The following ZNF296 variants were observed in gnomAD, a reference collection of about 807,000 sequenced individuals.
ZNF296 encodes the protein zinc finger protein 296, also known as zinc finger protein 342.
Under a neutral mutation model 13.2 loss-of-function variants are expected in ZNF296, and 1 was observed. The ratio of observed to expected loss-of-function variants is 0.08; its 90% confidence interval spans 0.03 to 0.36. ZNF296 has a LOEUF of 0.36. Ranked by LOEUF, ZNF296 falls within the 10% of genes least tolerant of loss-of-function variation. The probability of loss-of-function intolerance (pLI) is 0.99; values close to 1 mark genes in which losing one functional copy is unlikely to be tolerated. For missense variants in ZNF296, 555 were observed against 688.2 expected, an observed-to-expected ratio of 0.81 and a Z score of 2.16; for synonymous variants, 303 against 289.0, an observed-to-expected ratio of 1.05 and a Z score of -0.49.
chr19:45,075,866 C>T lies in ZNF296; in HGVS notation c.299-4G>A, dbSNP rs1477112907. 1.2e-6 allele frequency: 2 copies of T among 1,613,404 alleles called. No homozygotes were observed. The highest frequency in any genetic ancestry group is 1.7e-6 in the Non-Finnish European group (2 of 1,179,830). ...TTGTCGGTCCAGGGCTGGCGGTCTGCAGGGAGGAAGCGGGTGGTGAGCGTG... is the reference window on the plus strand; with the variant it reads ...TTGTCGGTCCAGGGCTGGCGGTCTGTAGGGAGGAAGCGGGTGGTGAGCGTG... On this transcript the variant is annotated splice_region_variant and splice_polypyrimidine_tract_variant and intron_variant, in intron 1 of 2. Transcript: ENST00000303809.
rs757569287 is a variant in ZNF296, at chr19:45,076,261, G to A, written c.113C>T (p.Pro38Leu). The change falls in exon 1 of 3, where the codon CCA becomes CTA. Residue 38 changes from proline to leucine, a missense_variant. Physicochemically the swap from Pro to Leu is moderately conservative, Grantham distance 98. Coordinates refer to ENST00000303809, the MANE Select transcript of ZNF296 (RefSeq NM_145288.3). This position sits in a 1 kb window ranked among gnomAD's most constrained non-coding sequence, Gnocchi z 4.9. ...QDLVIELKPE[P>L]DAQPQQAPRL... is the part of the protein sequence containing the mutation. ...TGGGGCCTGTTGGGGCTGCGCGTCT[G>A]GCTCGGGCTTGAGTTCGATGACGAG... 1 of 1,499,818 alleles carries A rather than the reference G, an allele frequency of 6.7e-7. No homozygotes were observed. Among genetic ancestry groups the A allele is most frequent in the South Asian group, 1.3e-5 (1 of 75,774 alleles). 92.9% of individuals were successfully genotyped at this position (1,499,818 alleles called of 1,614,324 possible). A position where few individuals can be genotyped will look rare whatever the true frequency, so the allele number is the denominator to read the frequency against.
Position 45,075,589 on chromosome 19 carries a change from T to A in ZNF296, c.448+124A>T. The A allele has an allele frequency of 3.8e-6, 4 of 1,053,616 alleles. No homozygotes were observed. The South Asian group carries it at 5.8e-5, about 15-fold the overall frequency. The allele number at this position is 1,053,616 out of a possible 1,614,324, so 65.3% of individuals were successfully genotyped here. A position where few individuals can be genotyped will look rare whatever the true frequency, so the allele number is the denominator to read the frequency against. The stretch of plus-strand genomic sequence containing the variant: ...GGGCAGGCCCTGGCCACGCCTAGGC[T>A]GCACCCGATGGGGAGCGAGAAAGGG... On this transcript the variant is annotated intron_variant, in intron 2 of 2. Transcript: ENST00000303809.
chr19:45,075,768 G>T lies in ZNF296; in HGVS notation c.393C>A (p.Asp131Glu), dbSNP rs150507215. ...FPLEAITAFM[D>E]HKKLGCQLFR... ...AGAGCTGACAGCCCAGCTTCTTGTG[G>T]TCCATGAAGGCAGTGATGGCCTCCA... Residue 131 changes from aspartate (D) to glutamate (E), a missense_variant, in exon 2 of 3, where the codon GAC becomes GAA. Transcript: ENST00000303809. The T allele has an allele frequency of 1.6e-3, 2,598 of 1,614,146 alleles. 2 individuals are homozygous for T. Among genetic ancestry groups the T allele is most frequent in the Non-Finnish European group, 1.9e-3 (2,262 of 1,180,030 alleles).
rs199913976 is a variant in ZNF296, at chr19:45,075,870, G to C, written c.299-8C>G. On this transcript the variant is annotated splice_region_variant and splice_polypyrimidine_tract_variant and intron_variant, in intron 1 of 2. Transcript: ENST00000303809. ...CGGTCCAGGGCTGGCGGTCTGCAGG[G>C]AGGAAGCGGGTGGTGAGCGTGGGGT... The C allele has an allele frequency of 8.9e-5, 144 of 1,613,680 alleles. No individual in the cohort carries two copies. In the East Asian group the frequency reaches 3.1e-3, roughly 34 times the overall value.
chr19:45,076,308 G>A lies in ZNF296; in HGVS notation c.66C>T (p.Asp22=). Residue 22 remains aspartate (D), a synonymous_variant, in exon 1 of 3, where the codon GAC becomes GAT. Transcript: ENST00000303809. This position sits in a 1 kb window ranked among gnomAD's most constrained non-coding sequence, Gnocchi z 4.9. The stretch of plus-strand genomic sequence containing the variant: ...CGAGGTCCTGCATTTCCATCTCGTC[G>A]TCTGGGTTGGCGGCGGGCGCGGGCT... The part of the protein sequence containing the change: ...RVEPAPAANP[D]DEMEMQDLVI... 7.0e-7 allele frequency: 1 copy of A among 1,433,114 alleles called. No homozygotes were observed. The highest frequency in any genetic ancestry group is 9.2e-7 in the Non-Finnish European group (1 of 1,091,200). The allele number at this position is 1,433,114 out of a possible 1,614,324, so 88.8% of individuals were successfully genotyped here.
chr19:45,074,567 G>A (rs2122634695), intron 2 of ZNF296, among the ~76,000 whole-genome samples: 1 of 152,252 alleles, frequency 6.6e-6, no homozygotes, highest in Non-Finnish European at 1.5e-5. Flanking sequence ...TCTTGGATGG[G>A]ACAACCTTTG....
At chr19:45,075,068 C>T (rs938398179) in intron 2 of ZNF296, among the ~76,000 whole-genome samples, 1 of 152,232 alleles carries the variant, frequency 6.6e-6, no homozygotes, top group African/African-American at 2.4e-5. Flanking sequence ...TGACCAAAAG[C>T]TCACCGAGGG....
Position 45,076,206 on chromosome 19 carries a change from C to T in ZNF296, c.168G>A (p.Val56=), listed in dbSNP as rs770932707. ...PRLGPFSPKE[V]SSAGRFGGEP... ...CGCCGCCGAACCGCCCCGCCGAGGA[C>T]ACCTCCTTCGGGGAGAAGGGCCCCA... Residue 56 remains valine, a synonymous_variant, in exon 1 of 3, where the codon GTG becomes GTA. Coordinates refer to ENST00000303809, the MANE Select transcript of ZNF296 (RefSeq NM_145288.3). The surrounding 1 kb of genome is among the most constrained non-coding windows in gnomAD (Gnocchi z 4.9). 3 of 1,507,564 alleles carry T rather than the reference C, an allele frequency of 2.0e-6. No homozygotes were observed. The Admixed American group carries it at 7.2e-5, about 36-fold the overall frequency. The allele number at this position is 1,507,564 out of a possible 1,614,324, so 93.4% of individuals were successfully genotyped here. A position where few individuals can be genotyped will look rare whatever the true frequency, so the allele number is the denominator to read the frequency against.
intron 2 of ZNF296, 32 bp downstream of exon 2, chr19:45,075,681 T>G: frequency 1.2e-6 from 2 of 1,606,962 alleles, no homozygotes; most frequent in Non-Finnish European, 1.7e-6. Flanking sequence ...GCCCTCGAAC[T>G]TGAGAGGGGG....
At position 45,075,872 on chromosome 19, in the gene ZNF296, G is replaced by A. The variant is rs2122637690; in HGVS notation, c.299-10C>T. On this transcript the variant is annotated splice_polypyrimidine_tract_variant and intron_variant, in intron 1 of 2. Transcript: ENST00000303809. Reference sequence around the variant, plus strand: ...GTCCAGGGCTGGCGGTCTGCAGGGAGGAAGCGGGTGGTGAGCGTGGGGTGG... The same window carrying A: ...GTCCAGGGCTGGCGGTCTGCAGGGAAGAAGCGGGTGGTGAGCGTGGGGTGG... 1 of 1,613,564 alleles carries A rather than the reference G, an allele frequency of 6.2e-7. No homozygotes were observed. Among genetic ancestry groups the A allele is most frequent in the South Asian group, 1.1e-5 (1 of 91,044 alleles).
At position 45,072,086 on chromosome 19, in the gene ZNF296, TG is replaced by T; in HGVS notation, c.942del (p.Ser315AlafsTer87). ...PEPAVHAAAP[T>X]STLPCSGGEG... Reference sequence around the variant, plus strand: ...TCACCACCGCTGCATGGAAGGGTGCTGGTGGGGGCAGCAGCATGGACAGCCG... The same window carrying T: ...TCACCACCGCTGCATGGAAGGGTGCTGTGGGGGCAGCAGCATGGACAGCCG... On this transcript the variant is annotated frameshift_variant, in exon 3 of 3. Transcript: ENST00000303809. LOFTEE classifies it low-confidence loss of function (END_TRUNC). The T allele has an allele frequency of 6.2e-7, 1 of 1,612,084 alleles. No homozygotes were observed. Among genetic ancestry groups the T allele is most frequent in the Non-Finnish European group, 8.5e-7 (1 of 1,179,654 alleles).
Position 45,071,616 on chromosome 19 carries a change from C to T in ZNF296, c.1413G>A (p.Ala471=), listed in dbSNP as rs752032069. The change falls in exon 3 of 3, where the codon GCG becomes GCA. Residue 471 remains alanine, a synonymous_variant. Transcript: ENST00000303809. ...DKHLRQKHPE[A]AGEA ...TTTCCTGGGCTCAGGCCTCGCCGGC[C>T]GCCTCAGGGTGCTTCTGCCGCAGGT... 4.3e-5 allele frequency: 65 copies of T among 1,517,014 alleles called. No homozygotes were observed. The highest frequency in any genetic ancestry group is 5.0e-5 in the Non-Finnish European group (57 of 1,139,308). The allele number at this position is 1,517,014 out of a possible 1,614,324, so 94.0% of individuals were successfully genotyped here. A position where few individuals can be genotyped will look rare whatever the true frequency, so the allele number is the denominator to read the frequency against.
chr19:45,071,726 T>A lies in ZNF296; in HGVS notation c.1303A>T (p.Met435Leu). ...QSSKLNRHRR[M>L]HGMTPGSTRF... ...GTGCTGCCAGGCGTCATGCCGTGCATGCGGCGGTGGCGGTTGAGCTTACTG... is the reference window on the plus strand; with the variant it reads ...GTGCTGCCAGGCGTCATGCCGTGCAAGCGGCGGTGGCGGTTGAGCTTACTG... Residue 435 changes from methionine to leucine, a missense_variant, in exon 3 of 3, where the codon ATG becomes TTG. This residue lies in a region of ZNF296 where 410 missense variants were observed against 548.0 expected (regional missense o/e 0.75). Transcript: ENST00000303809. 1 of 1,606,078 alleles carries A rather than the reference T, an allele frequency of 6.2e-7. No individual in the cohort carries two copies. The highest frequency in any genetic ancestry group is 1.7e-5 in the Admixed American group (1 of 59,438).
chr19:45,072,637 T>A, intron 2 of ZNF296, 57 bp from the exon 3 acceptor site: 1 of 1,530,102 alleles, frequency 6.5e-7, no homozygotes, highest in East Asian at 2.3e-5. Context: ...GGACACCTTC[T>A]GTGGGATAGG....
In ZNF296 at chr19:45,075,827, A is replaced by G. The variant is rs764263204; in HGVS notation, c.334T>C (p.Leu112=). The change falls in exon 2 of 3, where the codon TTG becomes CTG. Residue 112 remains leucine, a synonymous_variant. Transcript: ENST00000303809. ...GTCTGCAGGCAGCGGCCGCAGGTCA[A>G]CAGATCTGGGTGTTTGTCGGTCCAG... ...QPWTDKHPDL[L]TCGRCLQTFP... 9.9e-6 allele frequency: 16 copies of G among 1,614,058 alleles called. No individual in the cohort carries two copies. The highest frequency in any genetic ancestry group is 1.3e-5 in the African/African-American group (1 of 75,032).
rs1642354041 is a variant in ZNF296 at position 45,075,864 on chromosome 19, T to G, written c.299-2A>C. The G allele has an allele frequency of 6.2e-7, 1 of 1,613,194 alleles. No homozygotes were observed. Reference sequence around the variant, plus strand: ...GTTTGTCGGTCCAGGGCTGGCGGTCTGCAGGGAGGAAGCGGGTGGTGAGCG... The same window carrying G: ...GTTTGTCGGTCCAGGGCTGGCGGTCGGCAGGGAGGAAGCGGGTGGTGAGCG... On this transcript the variant is annotated splice_acceptor_variant, in intron 1 of 2. Coordinates refer to ENST00000303809, the MANE Select transcript of ZNF296 (RefSeq NM_145288.3). LOFTEE classifies it high-confidence loss of function.
chr19:45,074,779 C>T (rs757679039), intron 2 of ZNF296, among the ~76,000 whole-genome samples: 8 of 152,166 alleles, frequency 5.3e-5, no homozygotes, highest in Non-Finnish European at 8.8e-5. Flanking sequence ...TCCACATAAG[C>T]GCTCAAACAG....
rs1308603694 is a variant in ZNF296 at position 45,072,016 on chromosome 19, G to T, written c.1013C>A (p.Ala338Asp). 1 of 1,613,092 alleles carries T rather than the reference G, an allele frequency of 6.2e-7. No homozygotes were observed. The highest frequency in any genetic ancestry group is 8.5e-7 in the Non-Finnish European group (1 of 1,179,992). The change falls in exon 3 of 3, where the codon GCT becomes GAT. Residue 338 changes from alanine to aspartate, a missense_variant. This residue lies in a region of ZNF296 where 410 missense variants were observed against 548.0 expected (regional missense o/e 0.75). Transcript: ENST00000303809. ...GCCGGCTTGAGCCCCACTGCCAGGAGCCCCGGGTTCCTGGACACCTGCTGT... is the reference window on the plus strand; with the variant it reads ...GCCGGCTTGAGCCCCACTGCCAGGATCCCCGGGTTCCTGGACACCTGCTGT... ...AATAGVQEPG[A>D]PGSGAQAGPG...
Position 45,072,231 on chromosome 19 carries a change from GT to G in ZNF296, c.797del (p.Tyr266SerfsTer136). 6.2e-7 allele frequency: 1 copy of G among 1,613,232 alleles called. No homozygotes were observed. Among genetic ancestry groups the G allele is most frequent in the Non-Finnish European group, 8.5e-7 (1 of 1,179,712 alleles). On this transcript the variant is annotated frameshift_variant, in exon 3 of 3. Coordinates refer to ENST00000303809, the MANE Select transcript of ZNF296 (RefSeq NM_145288.3). LOFTEE classifies it low-confidence loss of function (END_TRUNC). ...TGAGCTTGCTGCTCTGGGCGCAGGC[GT>G]AGGGACACTGGTCGCAAGCATAGGG... Reference protein sequence around the residue: ...ERPYACDQCPYACAQSSKLNR... With the variant: ...ERPYACDQCPXACAQSSKLNR...
Sources: gnomAD v4.1 joint callset for allele counts (sites outside exome capture counted in the v4.1 genomes callset) on GRCh38, gnomAD v4.1.1 for gene constraint, gnomAD v4.1.1 regional missense constraint, Gnocchi (gnomAD v3.1) non-coding constraint, MANE v1.5 for transcripts, NCBI Gene and HGNC (gene_info 2026-07-23, HGNC 2026-07-21) for gene names.